The following SLC26A11 variants were observed in gnomAD, a reference collection of about 807,000 sequenced individuals.
The protein encoded by SLC26A11 is solute carrier family 26 member 11.
Under a neutral mutation model 62.2 loss-of-function variants are expected in SLC26A11, and 58 were observed. The ratio of observed to expected loss-of-function variants is 0.93; its 90% CI spans 0.76 to 1.16. The LOEUF (loss-of-function observed/expected upper bound fraction) is 1.16. Among genes scored for constraint, SLC26A11 ranks in the 50% most tolerant of loss-of-function variants. SLC26A11 has a pLI of 0.00. For synonymous variants in SLC26A11, 411 were observed against 368.9 expected (o/e 1.11, Z -1.31); for missense variants, 790 against 794.3 (o/e 0.99, Z 0.06).
rs1035140037 is a variant in SLC26A11 at position 80,222,305 on chromosome 17, G to A, written c.235-350G>A. ...GCAGGAGAATGGCGTGAACCCGGGA[G>A]GCGGAGCTTGCAGTGAGCCGAGACT... is the stretch of plus-strand genomic sequence containing the variant. On this transcript the variant is annotated intron_variant, in intron 3 of 17. Transcript: ENST00000361193. The surrounding 1 kb of genome is among the most constrained non-coding windows in gnomAD (Gnocchi z 4.7). 1.4e-5 allele frequency: 3 copies of A among 213,880 alleles called. No homozygotes were observed. Among genetic ancestry groups the A allele is most frequent in the African/African-American group, 6.9e-5 (3 of 43,420 alleles). The allele number at this position is 213,880 out of a possible 1,614,324, so 13.2% of individuals were successfully genotyped here. A position where few individuals can be genotyped will look rare whatever the true frequency, so the allele number is the denominator to read the frequency against.
rs754796731 is a variant in SLC26A11, at chr17:80,221,762, G to T, written c.202G>T (p.Ala68Ser). 1 of 1,612,920 alleles carries T rather than the reference G, an allele frequency of 6.2e-7. No individual in the cohort carries two copies. The highest frequency in any genetic ancestry group is 1.1e-5 in the South Asian group (1 of 91,078). The change falls in exon 3 of 18, where the codon GCC becomes TCC. Residue 68 changes from alanine to serine, a missense_variant. Coordinates refer to ENST00000361193, the MANE Select transcript of SLC26A11 (RefSeq NM_001166347.2). The stretch of plus-strand genomic sequence containing the variant: ...CCTCACTGCCATTCCCCAGGCGCTG[G>T]CCTATGCTGAAGTGGCTGGACTCCC... The part of the protein sequence containing the change: ...VGLTAIPQAL[A>S]YAEVAGLPPQ...
chr17:80,240,671 C>T (rs560789049), intron 9 of SLC26A11, among the ~76,000 whole-genome samples: 53 of 152,008 alleles, frequency 3.5e-4, no homozygotes, highest in Non-Finnish European at 4.4e-4. Flanking sequence ...TGCGTGGTGG[C>T]ATGCCCCTGT....
At chr17:80,224,647 C>T (rs558507041) in intron 5 of SLC26A11, among the ~76,000 whole-genome samples, 7 of 152,264 alleles carry the variant, frequency 4.6e-5, no homozygotes, top group Admixed American at 3.3e-4. Flanking sequence ...GTTATCTACA[C>T]GCATCTCTCA....
At chr17:80,234,150 G>A (rs1040038557) in intron 7 of SLC26A11, among the ~76,000 whole-genome samples, 9 of 152,050 alleles carry the variant, frequency 5.9e-5, no homozygotes, top group Middle Eastern at 3.2e-3. Flanking sequence ...AATTACAGGC[G>A]CATGCTACCA....
intron 7 of SLC26A11, among the ~76,000 whole-genome samples, chr17:80,229,102 C>G (rs968529496): frequency 6.6e-6 from 1 of 152,196 alleles, no homozygotes; most frequent in African/African-American, 2.4e-5. Flanking sequence ...CAGAATAACC[C>G]GAGCTTGGTC....
chr17:80,251,357 C>T lies in SLC26A11; in HGVS notation c.1685C>T (p.Ala562Val). The change falls in exon 17 of 18, where the codon GCT (alanine) becomes GTT (valine). Residue 562 changes from alanine to valine, a missense_variant. Coordinates refer to ENST00000361193, the MANE Select transcript of SLC26A11 (RefSeq NM_001166347.2). ...QVPVLRVLLS[A>V]DLKGFQYFST... ...CCCGTTCTCCGTGTCCTGCTGTCCG[C>T]TGACCTGAAGGGGTTCCAGTACTTC... is the stretch of plus-strand genomic sequence containing the variant. 1.2e-6 allele frequency: 2 copies of T among 1,614,096 alleles called. No individual in the cohort carries two copies. The highest frequency in any genetic ancestry group is 1.3e-5 in the African/African-American group (1 of 75,030).
At chr17:80,248,288 G>A (rs202144790) in intron 14 of SLC26A11, 31 bp downstream of exon 14, 6 of 1,594,328 alleles carry the variant, frequency 3.8e-6, no homozygotes, top group African/African-American at 2.7e-5. Context: ...AGTGGGGAGT[G>A]TGCTGGGGGC....
rs779005652 is a variant in SLC26A11, at chr17:80,225,932, T to C, written c.593+16T>C. On this transcript the variant is annotated intron_variant, in intron 6 of 17. Coordinates refer to ENST00000361193, the MANE Select transcript of SLC26A11 (RefSeq NM_001166347.2). ...CAGAGACCAGGTACCCCGGGCTTTG[T>C]TCCTCCCTCCTATAAGGAAGCTCCT... 2.5e-6 allele frequency: 4 copies of C among 1,611,792 alleles called. No homozygotes were observed. Among genetic ancestry groups the C allele is most frequent in the Non-Finnish European group, 3.4e-6 (4 of 1,178,220 alleles).
intron 5 of SLC26A11, among the ~76,000 whole-genome samples, chr17:80,224,709 A>G (rs896085317): frequency 1.3e-5 from 2 of 152,118 alleles, no homozygotes; most frequent in Non-Finnish European, 2.9e-5. Context: ...TTTAATCTGG[A>G]AACATCATTT....
chr17:80,248,803 G>A (rs2043082057), intron 15 of SLC26A11, 129 bp downstream of exon 15: 1 of 981,438 alleles, frequency 1.0e-6, no homozygotes, highest in South Asian at 1.6e-5. Context: ...GCATCTCTGA[G>A]TGGGCTGGAC....
Position 80,246,569 on chromosome 17 carries a change from C to G in SLC26A11, c.1214C>G (p.Ser405Cys), listed in dbSNP as rs972818181. ...TCACTGTTCTACTACATCCCCAAGT[C>G]TGCCCTGGCTGCCGTCATCATCATG... is the stretch of plus-strand genomic sequence containing the variant. ...LTSLFYYIPK[S>C]ALAAVIIMAV... Residue 405 changes from serine to cysteine, a missense_variant, in exon 13 of 18, where the codon TCT becomes TGT. Coordinates refer to ENST00000361193, the MANE Select transcript of SLC26A11 (RefSeq NM_001166347.2). This position sits in a 1 kb window ranked among gnomAD's most constrained non-coding sequence, Gnocchi z 4.4. 5 of 1,613,964 alleles carry G rather than the reference C, an allele frequency of 3.1e-6. No individual in the cohort carries two copies. Among genetic ancestry groups the G allele is most frequent in the Non-Finnish European group, 4.2e-6 (5 of 1,180,038 alleles).
At chr17:80,227,702 A>C in intron 6 of SLC26A11, 116 bp from the exon 7 acceptor site, 1 of 1,449,672 alleles carries the variant, frequency 6.9e-7, no homozygotes, top group Non-Finnish European at 9.2e-7. Context: ...CAGCCTGGGC[A>C]TTGGGCCTCC....
chr17:80,225,002 G>C (rs966070263), intron 5 of SLC26A11, among the ~76,000 whole-genome samples: 2 of 152,048 alleles, frequency 1.3e-5, no homozygotes, highest in African/African-American at 4.8e-5. Context: ...GGGATCCAGG[G>C]CCTCAACTTT....
rs1431662431 is a variant in SLC26A11 at position 80,224,342 on chromosome 17, A to T, written c.513+1005A>T. Among the ~76,000 whole-genome samples the T allele has an allele frequency of 4.2e-5, 6 of 141,966 alleles. No individual in the cohort carries two copies. In the South Asian group the frequency reaches 6.8e-4, roughly 16 times the overall value. 93.1% of individuals were successfully genotyped at this position (141,966 alleles called of 152,430 possible). Reference sequence around the variant, plus strand: ...GTGAGTGTGTATGAGTGAGAGTGTGAGAGTGGGTGTGGGTGTGAGGGAGTG... The same window carrying T: ...GTGAGTGTGTATGAGTGAGAGTGTGTGAGTGGGTGTGGGTGTGAGGGAGTG... On this transcript the variant is annotated intron_variant, in intron 5 of 17. Coordinates refer to ENST00000361193, the MANE Select transcript of SLC26A11 (RefSeq NM_001166347.2).
In SLC26A11 at chr17:80,224,466, T is replaced by C. The variant is rs117223280; in HGVS notation, c.513+1129T>C. On this transcript the variant is annotated intron_variant, in intron 5 of 17. Transcript: ENST00000361193. ...GAGAGTGTGAGTGTGAGAGTGTGAG[T>C]GTGTGAGTGTGAGAATAAAGTAGAC... 1.2e-3 allele frequency among the ~76,000 whole-genome samples: 185 copies of C among 151,294 alleles called. 2 individuals carry two copies. Among genetic ancestry groups the C allele is most frequent in the African/African-American group, 4.3e-3 (176 of 41,126 alleles).
chr17:80,231,159 CA>C (rs1555627697), intron 7 of SLC26A11, among the ~76,000 whole-genome samples: 6 of 58,318 alleles, frequency 1.0e-4, no homozygotes, highest in African/African-American at 3.2e-4. Context: ...TTTTTTTTTT[CA>C]AAAAAAATTT....
At chr17:80,235,265 A>G (rs1375019200) in intron 7 of SLC26A11, among the ~76,000 whole-genome samples, 1 of 151,848 alleles carries the variant, frequency 6.6e-6, no homozygotes, top group Admixed American at 6.6e-5. Flanking sequence ...TTAATGTCCT[A>G]TTAACTAAAT....
At chr17:80,226,206 A>G (rs1472152935) in intron 6 of SLC26A11, among the ~76,000 whole-genome samples, 2 of 152,150 alleles carry the variant, frequency 1.3e-5, no homozygotes, top group Non-Finnish European at 2.9e-5. Flanking sequence ...TCTCTCCACA[A>G]AGCTTTCTTG....
rs371135578 is a variant in SLC26A11 at position 80,222,959 on chromosome 17, A to G, written c.427+112A>G. ...TGTGCGTGTTGGGGTGTGGGTATGT[A>G]TGTGTGTGTGTGTAGGTGGGTGGGT... On this transcript the variant is annotated intron_variant, in intron 4 of 17. Coordinates refer to ENST00000361193, the MANE Select transcript of SLC26A11 (RefSeq NM_001166347.2). This position sits in a 1 kb window ranked among gnomAD's most constrained non-coding sequence, Gnocchi z 4.7. 9.5e-5 allele frequency: 61 copies of G among 641,246 alleles called. No homozygotes were observed. Among genetic ancestry groups the G allele is most frequent in the African/African-American group, 5.9e-4 (28 of 47,234 alleles). The allele number at this position is 641,246 out of a possible 1,614,324, so 39.7% of individuals were successfully genotyped here. A position where few individuals can be genotyped will look rare whatever the true frequency, so the allele number is the denominator to read the frequency against.
Sources: allele counts gnomAD v4.1 joint callset (sites outside exome capture counted in the v4.1 genomes callset), GRCh38; gene constraint gnomAD v4.1.1; non-coding constraint Gnocchi (gnomAD v3.1); transcripts MANE v1.5; gene names NCBI Gene and HGNC (gene_info 2026-07-23, HGNC 2026-07-21).